Variants in ASCC3 observed in about 807,000 individuals in gnomAD.
ASCC3 encodes the protein activating signal cointegrator 1 complex subunit 3, also known as ASC-1 complex subunit P200.
ASCC3 carries 158 observed loss-of-function variants against 256.3 expected under a neutral mutation model. The observed-to-expected ratio is 0.62, with a 90% CI of 0.54 to 0.70. The LOEUF is 0.70. Among genes scored for constraint, ASCC3 ranks in the 30% least tolerant of loss-of-function variants. The probability of loss-of-function intolerance (pLI) is 0.00; values close to 1 mark genes in which losing one functional copy is unlikely to be tolerated. For missense variants in ASCC3, 2,259 were observed against 2,626.0 expected, an observed-to-expected ratio of 0.86 and a Z score of 3.05; for synonymous variants, 948 against 883.4, an observed-to-expected ratio of 1.07 and a Z score of -1.30.
intron 37 of ASCC3, among the ~76,000 whole-genome samples, chr6:100,531,813 T>C (rs1330526381): frequency 6.6e-6 from 1 of 152,154 alleles, no homozygotes; most frequent in African/African-American, 2.4e-5. Flanking sequence ...CCGCATAATG[T>C]AAGATTCTAC....
chr6:100,817,641 A>T (rs10223724), intron 4 of ASCC3, among the ~76,000 whole-genome samples: 2,971 of 152,200 alleles, frequency 0.02, 91 homozygotes, highest in African/African-American at 0.069. Flanking sequence ...GAATGCTATA[A>T]ACAATTGTAT....
intron 13 of ASCC3, among the ~76,000 whole-genome samples, chr6:100,702,408 G>A (rs1778397474): frequency 6.6e-6 from 1 of 152,096 alleles, no homozygotes; most frequent in African/African-American, 2.4e-5. Flanking sequence ...CCATTTTGTA[G>A]GGGGAGATTA....
intron 36 of ASCC3, among the ~76,000 whole-genome samples, chr6:100,559,876 A>G (rs1769833336): frequency 6.6e-6 from 1 of 151,912 alleles, no homozygotes; most frequent in Non-Finnish European, 1.5e-5. Flanking sequence ...ATTCTGTTAC[A>G]TTTGTTAAAA....
chr6:100,544,371 A>G (rs1021352095), intron 36 of ASCC3, among the ~76,000 whole-genome samples: 7 of 152,082 alleles, frequency 4.6e-5, no homozygotes, highest in African/African-American at 1.7e-4. Context: ...AAAACAAATG[A>G]GACCAAAAGC....
chr6:100,602,065 T>C, intron 33 of ASCC3, 130 bp from the exon 34 acceptor site: 2 of 866,202 alleles, frequency 2.3e-6, no homozygotes, highest in Non-Finnish European at 3.4e-6. Context: ...ATAACTTAAA[T>C]ATTTAGTATA....
intron 30 of ASCC3, among the ~76,000 whole-genome samples, chr6:100,622,123 G>C (rs936880693): frequency 3.9e-5 from 6 of 152,038 alleles, no homozygotes; most frequent in Admixed American, 6.6e-5. Flanking sequence ...ACAGCTAATG[G>C]ATGCTGGGCT....
chr6:100,580,658 T>C (rs1582487122), intron 36 of ASCC3, among the ~76,000 whole-genome samples: 1 of 151,930 alleles, frequency 6.6e-6, no homozygotes, highest in Non-Finnish European at 1.5e-5. Context: ...TGTATACATG[T>C]GCCATGCTGG....
intron 3 of ASCC3, among the ~76,000 whole-genome samples, chr6:100,855,383 C>T (rs1295844769): frequency 6.6e-6 from 1 of 152,230 alleles, no homozygotes; most frequent in East Asian, 1.9e-4. Flanking sequence ...TCCCAAAATT[C>T]TGGGATTACA....
intron 8 of ASCC3, among the ~76,000 whole-genome samples, chr6:100,776,482 C>T (rs1408898934): frequency 1.3e-5 from 2 of 152,050 alleles, no homozygotes; most frequent in African/African-American, 4.8e-5. Context: ...ACTGATCTTA[C>T]ATACATACGC....
At chr6:100,768,982 C>T (rs1582835138) in intron 8 of ASCC3, among the ~76,000 whole-genome samples, 1 of 152,080 alleles carries the variant, frequency 6.6e-6, no homozygotes, top group Non-Finnish European at 1.5e-5. Context: ...CTTTCTACCA[C>T]TGATGAAAGA....
At chr6:100,687,311 T>C (rs1326241789) in intron 13 of ASCC3, among the ~76,000 whole-genome samples, 1 of 152,076 alleles carries the variant, frequency 6.6e-6, no homozygotes, top group Non-Finnish European at 1.5e-5. Context: ...ATTTTTTCTT[T>C]GTATGTCTTG....
intron 10 of ASCC3, among the ~76,000 whole-genome samples, chr6:100,745,191 T>C (rs986003051): frequency 2.0e-5 from 3 of 152,030 alleles, no homozygotes; most frequent in African/African-American, 7.2e-5. Context: ...GCTGAGCATG[T>C]TGGTGCGCGC....
chr6:100,522,969 A>C (rs1291504484), intron 37 of ASCC3, among the ~76,000 whole-genome samples: 4 of 147,158 alleles, frequency 2.7e-5, no homozygotes, highest in Non-Finnish European at 6.0e-5. Flanking sequence ...GGGGCTCTAA[A>C]TTAGAATTAA....
At chr6:100,638,998 C>A (rs1471256585) in intron 24 of ASCC3, among the ~76,000 whole-genome samples, 177 bp from the exon 25 acceptor site, 1 of 152,030 alleles carries the variant, frequency 6.6e-6, no homozygotes, top group African/African-American at 2.4e-5. Context: ...ACGCAAGTAA[C>A]CACATTTACC....
At chr6:100,528,325 C>T (rs369875776) in intron 37 of ASCC3, among the ~76,000 whole-genome samples, 1 of 152,304 alleles carries the variant, frequency 6.6e-6, no homozygotes, top group East Asian at 1.9e-4. Flanking sequence ...GGCTAAACAA[C>T]AATCCCACCA....
rs151204986 is a variant in ASCC3 at position 100,555,629 on chromosome 6, T to C, written c.5551-15242A>G. Reference sequence around the variant, plus strand: ...GATTTATAGCTAAGTCCTTAAAAAATTGCCCTTTGATGAAACTTGAAAAAA... The same window carrying C: ...GATTTATAGCTAAGTCCTTAAAAAACTGCCCTTTGATGAAACTTGAAAAAA... On this transcript the variant is annotated intron_variant, in intron 36 of 41. Transcript: ENST00000369162. Among the ~76,000 whole-genome samples, 811 of 152,230 alleles carry C rather than the reference T, an allele frequency of 5.3e-3. 3 individuals carry two copies. The highest frequency in any genetic ancestry group is 0.024 in the Middle Eastern group (7 of 294).
At chr6:100,818,291 A>G (rs1214066228) in intron 4 of ASCC3, among the ~76,000 whole-genome samples, 1 of 152,104 alleles carries the variant, frequency 6.6e-6, no homozygotes, top group Non-Finnish European at 1.5e-5. Context: ...ACAGCTGGCC[A>G]GGCACGGTGG....
intron 4 of ASCC3, among the ~76,000 whole-genome samples, chr6:100,816,759 G>A (rs1033494786): frequency 4.6e-5 from 7 of 152,082 alleles, no homozygotes; most frequent in African/African-American, 9.7e-5. Flanking sequence ...CCTGAGGGTA[G>A]AGGGTGGGAG....
chr6:100,587,822 C>T (rs867863473), intron 36 of ASCC3, among the ~76,000 whole-genome samples: 2 of 152,128 alleles, frequency 1.3e-5, no homozygotes, highest in African/African-American at 4.8e-5. Flanking sequence ...TGGGAACAGA[C>T]CTTTTGTGAT....
Sources: allele counts gnomAD v4.1 joint callset (sites outside exome capture counted in the v4.1 genomes callset), GRCh38; gene constraint gnomAD v4.1.1; transcripts MANE v1.5; gene names NCBI Gene and HGNC (gene_info 2026-07-23, HGNC 2026-07-21).